Variants in UMODL1 observed in about 807,000 individuals in gnomAD.
UMODL1 encodes uromodulin like 1.
A neutral mutation model predicts 136.3 loss-of-function variants in UMODL1; 128 were observed. The observed-to-expected ratio is 0.94, with a 90% confidence interval of 0.81 to 1.09. UMODL1 has a LOEUF of 1.09. Among genes scored for constraint, UMODL1 ranks in the 50% least tolerant of loss-of-function variants. The pLI is 0.00. For missense variants in UMODL1, 1,766 were observed against 1,725.6 expected, an observed-to-expected ratio of 1.02 and a Z score of -0.41; for synonymous variants, 721 against 720.0, an observed-to-expected ratio of 1.00 and a Z score of -0.02.
At chr21:42,098,241 C>T (rs1414488335) in intron 6 of UMODL1, among the ~76,000 whole-genome samples, 1 of 152,184 alleles carries the variant, frequency 6.6e-6, no homozygotes. Context: ...CGACTCAATG[C>T]TGTTCACTGT....
intron 5 of UMODL1, 93 bp from the exon 6 acceptor site, chr21:42,090,205 C>T (rs2066474351): frequency 1.3e-6 from 2 of 1,547,158 alleles, no homozygotes; most frequent in Non-Finnish European, 1.8e-6. Flanking sequence ...AAATCCGTGG[C>T]ACGAGTCCAC....
At chr21:42,088,205 A>G (rs2066447748) in intron 4 of UMODL1, 89 bp from the exon 5 acceptor site, 2 of 1,374,886 alleles carry the variant, frequency 1.5e-6, no homozygotes, top group South Asian at 2.6e-5. Flanking sequence ...GTGTGTGGAC[A>G]GTTCATTTCA....
At chr21:42,136,331 C>G (rs1189359962) in intron 21 of UMODL1, among the ~76,000 whole-genome samples, 1 of 152,224 alleles carries the variant, frequency 6.6e-6, no homozygotes, top group Admixed American at 6.5e-5. Context: ...ATTTTCCTCA[C>G]CCTAAATGCA....
chr21:42,088,471 C>G lies in UMODL1; in HGVS notation c.781C>G (p.Gln261Glu), dbSNP rs1440954310. ...AKRVYEVISVQVQDVNECFYE... is the reference protein window; with the variant it reads ...AKRVYEVISVEVQDVNECFYE... Reference sequence around the variant, plus strand: ...GCGTGTCTATGAAGTGATCAGCGTCCAGGTGCAAGGTTGGGCTTCCCTCAA... The same window carrying G: ...GCGTGTCTATGAAGTGATCAGCGTCGAGGTGCAAGGTTGGGCTTCCCTCAA... Residue 261 changes from glutamine (Q) to glutamate (E), a missense_variant, in exon 5 of 23, where the codon CAG (glutamine) becomes GAG (glutamate). Gln to Glu is a conservative substitution (Grantham distance 29). Transcript: ENST00000408910. 6.3e-7 allele frequency: 1 copy of G among 1,597,254 alleles called. No individual in the cohort carries two copies.
intron 6 of UMODL1, among the ~76,000 whole-genome samples, chr21:42,095,537 T>C (rs2066548006): frequency 6.6e-6 from 1 of 152,170 alleles, no homozygotes. Context: ...ATTTAGGGTG[T>C]ACCTGGGAAA....
At chr21:42,065,542 CT>C (rs56298825) in intron 1 of UMODL1, among the ~76,000 whole-genome samples, 289 of 143,252 alleles carry the variant, frequency 2.0e-3, no homozygotes, top group African/African-American at 2.3e-3. Context: ...CTTTTTTTTT[CT>C]TTTTTTTTTT....
At chr21:42,095,902 G>A (rs948826143) in intron 6 of UMODL1, among the ~76,000 whole-genome samples, 1 of 152,138 alleles carries the variant, frequency 6.6e-6, no homozygotes, top group East Asian at 1.9e-4. Context: ...TAACCATGTC[G>A]CTGATAGCTT....
intron 10 of UMODL1, among the ~76,000 whole-genome samples, chr21:42,110,572 G>A (rs2066806671): frequency 6.6e-6 from 1 of 152,210 alleles, no homozygotes; most frequent in Non-Finnish European, 1.5e-5. Context: ...GGATTAATCT[G>A]AGGCCTATGA....
In UMODL1 at chr21:42,063,549, C is replaced by T. The variant is rs374195223; in HGVS notation, c.-141+335C>T. ...CCTGGCAAATGTGGTGAAGGTCCTT[C>T]CTCCTGAGCGATGCCTTAGACCCAG... On this transcript the variant is annotated intron_variant, in intron 1 of 22. Coordinates refer to the UMODL1 transcript ENST00000400424. 1.2e-4 allele frequency among the ~76,000 whole-genome samples: 19 copies of T among 152,358 alleles called. No homozygotes were observed. In the East Asian group the frequency reaches 2.1e-3, roughly 17 times the overall value.
In UMODL1 at chr21:42,113,422, A is replaced by G; in HGVS notation, c.2105-151A>G. The G allele has an allele frequency of 2.2e-6, 2 of 894,648 alleles. 1 individual carries two copies. The highest frequency in any genetic ancestry group is 3.3e-6 in the Non-Finnish European group (2 of 602,796). The allele number at this position is 894,648 out of a possible 1,614,324, so 55.4% of individuals were successfully genotyped here. A position where few individuals can be genotyped will look rare whatever the true frequency, so the allele number is the denominator to read the frequency against. ...AAGCCCGGGCTTGGGAGGTTTGTACAGGATCCTACTCACCCATCACCTCGG... is the reference window on the plus strand; with the variant it reads ...AAGCCCGGGCTTGGGAGGTTTGTACGGGATCCTACTCACCCATCACCTCGG... On this transcript the variant is annotated intron_variant, in intron 12 of 22. Coordinates refer to ENST00000408910, the MANE Select transcript of UMODL1 (RefSeq NM_001004416.3).
At chr21:42,129,574 C>A in intron 20 of UMODL1, 139 bp from the exon 21 acceptor site, 1 of 715,518 alleles carries the variant, frequency 1.4e-6, no homozygotes, top group Non-Finnish European at 2.2e-6. Flanking sequence ...ACTCCTCTGT[C>A]TAAACTCAGC....
chr21:42,140,097 T>A (rs1214121135), intron 22 of UMODL1, among the ~76,000 whole-genome samples: 2 of 152,184 alleles, frequency 1.3e-5, no homozygotes, highest in African/African-American at 4.8e-5. Flanking sequence ...TACACTTTGC[T>A]GAGTTGTTTC....
intron 22 of UMODL1, among the ~76,000 whole-genome samples, chr21:42,139,963 G>A (rs958074142): frequency 6.6e-5 from 10 of 152,206 alleles, no homozygotes; most frequent in African/African-American, 2.4e-4. Context: ...GCCCAGCAAG[G>A]GCAGCATGGA....
At chr21:42,104,686 G>A (rs930160818) in intron 9 of UMODL1, among the ~76,000 whole-genome samples, 2 of 152,156 alleles carry the variant, frequency 1.3e-5, no homozygotes, top group African/African-American at 4.8e-5. Flanking sequence ...CTGACCTCAG[G>A]TGATCCACCT....
chr21:42,087,223 C>A (rs2066436547), intron 4 of UMODL1, among the ~76,000 whole-genome samples: 1 of 152,190 alleles, frequency 6.6e-6, no homozygotes, highest in Admixed American at 6.5e-5. Context: ...GGTCAGGCAC[C>A]AGCAGGGGCT....
chr21:42,068,934 A>G (rs1226442745), upstream of UMODL1, among the ~76,000 whole-genome samples: 1 of 152,110 alleles, frequency 6.6e-6, no homozygotes, highest in Non-Finnish European at 1.5e-5. This position sits in a 1 kb window ranked among gnomAD's most constrained non-coding sequence, Gnocchi z 5.5. Context: ...AGTGGCCTCC[A>G]TTGTCTCTCC....
chr21:42,130,729 G>A (rs1351951831), intron 21 of UMODL1, among the ~76,000 whole-genome samples: 1 of 152,194 alleles, frequency 6.6e-6, no homozygotes, highest in East Asian at 1.9e-4. Context: ...TTAGGGCTGT[G>A]GGGCCCAGTC....
At position 42,085,232 on chromosome 21, in the gene UMODL1, A is replaced by G. The variant is rs1484641921; in HGVS notation, c.482-59A>G. The G allele has an allele frequency of 1.3e-6, 2 of 1,581,192 alleles. No individual in the cohort carries two copies. Among genetic ancestry groups the G allele is most frequent in the South Asian group, 2.3e-5 (2 of 86,540 alleles). ...CTCCTGCCCCCTCTCCCACCCCAGC[A>G]GCTTTTGTGACTTCAACCTGTCCTG... On this transcript the variant is annotated intron_variant, in intron 3 of 22. Transcript: ENST00000408910. The surrounding 1 kb of genome is among the most constrained non-coding windows in gnomAD (Gnocchi z 4.5).
chr21:42,109,813 G>C (rs1342366777), intron 10 of UMODL1, 114 bp downstream of exon 10: 1 of 1,139,320 alleles, frequency 8.8e-7, no homozygotes, highest in Non-Finnish European at 1.2e-6. Flanking sequence ...GTAATGTTAG[G>C]GGCCTACAGA....
Sources: allele counts gnomAD v4.1 joint callset (sites outside exome capture counted in the v4.1 genomes callset), GRCh38; gene constraint gnomAD v4.1.1; non-coding constraint Gnocchi (gnomAD v3.1); transcripts MANE v1.5; gene names NCBI Gene and HGNC (gene_info 2026-07-23, HGNC 2026-07-21).